The following DNAH12 variants were observed in gnomAD, a reference collection of about 807,000 sequenced individuals.
DNAH12 encodes the protein axonemal beta dynein heavy chain 12.
DNAH12 carries 285 observed loss-of-function variants against 371.5 expected under a neutral mutation model. The observed-to-expected ratio is 0.77, with a 90% confidence interval of 0.70 to 0.85. DNAH12 has a LOEUF of 0.85. DNAH12 is among the 40% of genes least tolerant of loss of function. The probability of loss-of-function intolerance (pLI) is 0.00; values close to 1 mark genes in which losing one functional copy is unlikely to be tolerated. For missense variants in DNAH12, 3,611 were observed against 3,689.4 expected (o/e 0.98, Z 0.55); for synonymous variants, 1,200 against 1,213.0 (o/e 0.99, Z 0.22).
At chr3:57,493,703 G>A (rs1039595214) in intron 11 of DNAH12, 1 of 148,122 alleles carries the variant, frequency 6.8e-6, no homozygotes, top group Non-Finnish European at 1.5e-5. Context: ...TCATTTGATT[G>A]TTCACAGTCA....
At chr3:57,425,572 T>C (rs1158048221) in intron 34 of DNAH12, among the ~76,000 whole-genome samples, 1 of 152,180 alleles carries the variant, frequency 6.6e-6, no homozygotes, top group Non-Finnish European at 1.5e-5. Flanking sequence ...ACTAGCCTCA[T>C]AAGGTCTTTA....
chr3:57,472,429 C>T (rs2066392977), intron 14 of DNAH12, 117 bp downstream of exon 14: 2 of 1,304,928 alleles, frequency 1.5e-6, no homozygotes, highest in South Asian at 1.5e-5. Context: ...GTCTCAAACT[C>T]ATATTGACAC....
At chr3:57,430,650 T>C (rs1264077460) in intron 32 of DNAH12, among the ~76,000 whole-genome samples, 1 of 152,208 alleles carries the variant, frequency 6.6e-6, no homozygotes, top group Non-Finnish European at 1.5e-5. Context: ...GGAATTATCA[T>C]TAACTTTTAA....
At chr3:57,522,747 T>C (rs1480654490) in intron 4 of DNAH12, among the ~76,000 whole-genome samples, 1 of 152,190 alleles carries the variant, frequency 6.6e-6, no homozygotes, top group Non-Finnish European at 1.5e-5. Flanking sequence ...CATACGTTTC[T>C]GTTATCCTTT....
At position 57,471,493 on chromosome 3, in the gene DNAH12, T is replaced by G; in HGVS notation, c.1890A>C (p.Ala630=). Residue 630 remains alanine (A), a synonymous_variant, in exon 15 of 74, where the codon GCA becomes GCC. Transcript: ENST00000495027. ...AGACCTGTTGCATGCGCTCCAGCTC[T>G]GCAAATTCTGTAAACTCCTCCATGC... The part of the protein sequence containing the change: ...SRRMEEFTEF[A]ELERMQQYVT... 1 of 1,547,810 alleles carries G rather than the reference T, an allele frequency of 6.5e-7. No homozygotes were observed. Among genetic ancestry groups the G allele is most frequent in the South Asian group, 1.2e-5 (1 of 83,100 alleles).
chr3:57,542,949 C>G, intron 1 of DNAH12, 46 bp from the exon 2 acceptor site: 1 of 1,392,252 alleles, frequency 7.2e-7, no homozygotes, highest in Non-Finnish European at 9.5e-7. Flanking sequence ...CAGCAAGCCT[C>G]GACACATTCA....
At chr3:57,408,673 A>G (rs1196360176) in intron 39 of DNAH12, 138 bp from the exon 40 acceptor site, 8 of 1,117,668 alleles carry the variant, frequency 7.2e-6, no homozygotes, top group Non-Finnish European at 8.2e-6. Flanking sequence ...TTTGAGTAGG[A>G]GAGAAATTTT....
At chr3:57,509,861 TAAAAAAAA>T (rs902155403) in intron 5 of DNAH12, among the ~76,000 whole-genome samples, 10,455 of 46,006 alleles carry the variant, frequency 0.23, 191 homozygotes, top group South Asian at 0.35. Context: ...GACTCCATCA[TAAAAAAAA>T]AAAAAAAAAA....
intron 62 of DNAH12, among the ~76,000 whole-genome samples, chr3:57,330,728 A>G (rs1213118234): frequency 2.0e-5 from 3 of 151,894 alleles, no homozygotes; most frequent in African/African-American, 4.8e-5. Flanking sequence ...AAAAAAAAAA[A>G]AAAAAGAAAA....
At chr3:57,370,143 T>C (rs1183752917) in intron 55 of DNAH12, among the ~76,000 whole-genome samples, 1 of 152,208 alleles carries the variant, frequency 6.6e-6, no homozygotes, top group East Asian at 1.9e-4. Flanking sequence ...AAATAAGCTT[T>C]GCTGTTAAGT....
intron 4 of DNAH12, 36 bp from the exon 5 acceptor site, chr3:57,511,015 G>A: frequency 1.3e-6 from 2 of 1,501,826 alleles, no homozygotes; most frequent in African/African-American, 1.4e-5. Context: ...GTTCTGCATG[G>A]TTGTATCATT....
chr3:57,404,952 A>G lies in DNAH12; in HGVS notation c.6755+17T>C, dbSNP rs2063980103. On this transcript the variant is annotated intron_variant, in intron 42 of 73. Coordinates refer to ENST00000495027, the MANE Select transcript of DNAH12 (RefSeq NM_001366028.2). Reference sequence around the variant, plus strand: ...TTACAGATAGCAATTTCAAGCATCAACACCATATATAGGTACCTAAAAATG... The same window carrying G: ...TTACAGATAGCAATTTCAAGCATCAGCACCATATATAGGTACCTAAAAATG... The G allele has an allele frequency of 4.1e-6, 6 of 1,470,062 alleles. No individual in the cohort carries two copies. The highest frequency in any genetic ancestry group is 5.4e-6 in the Non-Finnish European group (6 of 1,116,508). The allele number at this position is 1,470,062 out of a possible 1,614,324, so 91.1% of individuals were successfully genotyped here.
chr3:57,325,266 T>C (rs2061913450), intron 62 of DNAH12, among the ~76,000 whole-genome samples: 2 of 152,216 alleles, frequency 1.3e-5, no homozygotes, highest in African/African-American at 2.4e-5. Flanking sequence ...GCAGACTGCC[T>C]CCTCAAGTGG....
intron 11 of DNAH12, among the ~76,000 whole-genome samples, chr3:57,496,883 T>C (rs1229335162): frequency 6.6e-6 from 1 of 152,018 alleles, no homozygotes; most frequent in Non-Finnish European, 1.5e-5. Flanking sequence ...ACAGGAGAAT[T>C]GCTTGAACTC....
At chr3:57,414,027 A>AT (rs1363587423) in intron 38 of DNAH12, 115 bp from the exon 39 acceptor site, 11 of 997,856 alleles carry the variant, frequency 1.1e-5, no homozygotes, top group Non-Finnish European at 1.6e-5. Context: ...AATCCATGGG[A>AT]TTTTTACCAG....
intron 17 of DNAH12, among the ~76,000 whole-genome samples, chr3:57,466,936 G>A (rs2066220566): frequency 6.6e-6 from 1 of 151,696 alleles, no homozygotes; most frequent in South Asian, 2.1e-4. Context: ...TTTATTTTTT[G>A]TAGAGGTAGG....
In DNAH12 at chr3:57,449,714, C is replaced by T. The variant is rs1461466860; in HGVS notation, c.3787-3025G>A. ...AAGCGCCGCACGCAGCCTTGGTTCC[C>T]GCTCGCGCCTCTCCCTCCACACCTC... On this transcript the variant is annotated intron_variant, in intron 25 of 73. Transcript: ENST00000495027. Among the ~76,000 whole-genome samples the T allele has an allele frequency of 2.6e-5, 4 of 152,176 alleles. No individual in the cohort carries two copies. The East Asian group carries it at 7.7e-4, about 29-fold the overall frequency.
chr3:57,323,655 T>C (rs759064702), intron 62 of DNAH12, 36 bp from the exon 63 acceptor site: 2 of 1,479,190 alleles, frequency 1.4e-6, no homozygotes, highest in East Asian at 5.1e-5. Context: ...TTAGAGCAAC[T>C]TTTATTTCAC....
At position 57,415,524 on chromosome 3, in the gene DNAH12, C is replaced by T. The variant is rs1219774474; in HGVS notation, c.5755G>A (p.Val1919Met). The T allele has an allele frequency of 6.5e-6, 10 of 1,550,232 alleles. No individual in the cohort carries two copies. Among genetic ancestry groups the T allele is most frequent in the Non-Finnish European group, 7.8e-6 (9 of 1,146,772 alleles). The change falls in exon 38 of 74, where the codon GTG (valine) becomes ATG (methionine). Residue 1919 changes from valine to methionine, a missense_variant. This residue lies in a region of DNAH12 where 2,266 missense variants were observed against 2,236.9 expected (regional missense o/e 1.01). Transcript: ENST00000495027. ...FVGPTGTGKS[V>M]YVKDKLMNHL... ...TTCATTAGCTTATCCTTCACATACACAGATTTTCCTGTACCCGTTGGACCC... is the reference window on the plus strand; with the variant it reads ...TTCATTAGCTTATCCTTCACATACATAGATTTTCCTGTACCCGTTGGACCC...
Sources: allele counts gnomAD v4.1 joint callset (sites outside exome capture counted in the v4.1 genomes callset), GRCh38; gene constraint gnomAD v4.1.1; regional missense constraint gnomAD v4.1.1; transcripts MANE v1.5; gene names NCBI Gene and HGNC (gene_info 2026-07-23, HGNC 2026-07-21).